Variants in PTPRA observed in about 807,000 individuals in gnomAD.
PTPRA encodes receptor-type tyrosine-protein phosphatase alpha.
In PTPRA, 25 loss-of-function variants were observed where a neutral mutation model predicts 104.8. The observed-to-expected ratio is 0.24, with a 90% CI of 0.17 to 0.33. PTPRA has a LOEUF of 0.33. PTPRA is among the 10% of genes least tolerant of loss of function. The pLI, the probability that PTPRA is intolerant of heterozygous loss-of-function variation, is 1.00. For missense variants in PTPRA, 765 were observed against 1,015.3 expected (o/e 0.75, Z 3.35); for synonymous variants, 323 against 368.9 (o/e 0.88, Z 1.43).
chr20:2,981,017 C>G (rs1302225449), intron 6 of PTPRA, among the ~76,000 whole-genome samples: 1 of 152,004 alleles, frequency 6.6e-6, no homozygotes, highest in Non-Finnish European at 1.5e-5. Flanking sequence ...TTGTGGTTGC[C>G]TAGAATTAGC....
In PTPRA at chr20:3,038,196, T is replaced by G; in HGVS notation, c.*63T>G. 1.4e-6 allele frequency: 2 copies of G among 1,454,034 alleles called. No individual in the cohort carries two copies. Among genetic ancestry groups the G allele is most frequent in the Non-Finnish European group, 1.9e-6 (2 of 1,036,574 alleles). The allele number at this position is 1,454,034 out of a possible 1,614,324, so 90.1% of individuals were successfully genotyped here. A position where few individuals can be genotyped will look rare whatever the true frequency, so the allele number is the denominator to read the frequency against. On this transcript the variant is annotated 3_prime_UTR_variant, in exon 24 of 24. Transcript: ENST00000399903. ...TAATATTTTGTAATATTCTGTTTTG[T>G]TAATATACCCCAAATTGTGTATATA...
chr20:2,958,844 C>CAGAAAAA (rs1164247922), intron 3 of PTPRA, among the ~76,000 whole-genome samples: 2 of 46,848 alleles, frequency 4.3e-5, no homozygotes, highest in African/African-American at 7.9e-5. Context: ...GAGACTGTAT[C>CAGAAAAA]AAAAAAAAAA....
intron 2 of PTPRA, among the ~76,000 whole-genome samples, chr20:2,943,463 A>G (rs1299151111): frequency 6.6e-6 from 1 of 152,080 alleles, no homozygotes; most frequent in Non-Finnish European, 1.5e-5. Flanking sequence ...AGTTGTATGG[A>G]TGAAGCCCAC....
intron 1 of PTPRA, among the ~76,000 whole-genome samples, chr20:2,888,575 A>C (rs1445265660): frequency 1.3e-5 from 2 of 152,144 alleles, no homozygotes; most frequent in Non-Finnish European, 2.9e-5. Flanking sequence ...CATTTAAAAA[A>C]AAAAAAGGTT....
At chr20:2,960,810 T>A (rs2061728760) in intron 3 of PTPRA, among the ~76,000 whole-genome samples, 1 of 152,152 alleles carries the variant, frequency 6.6e-6, no homozygotes, top group African/African-American at 2.4e-5. Context: ...GTGTTGGGAT[T>A]ACAGGCATGA....
intron 2 of PTPRA, among the ~76,000 whole-genome samples, chr20:2,930,795 T>C (rs1330168277): frequency 2.6e-5 from 4 of 152,184 alleles, no homozygotes; most frequent in African/African-American, 9.6e-5. Flanking sequence ...ACGACCCTAT[T>C]TCCAAATAAG....
chr20:3,012,554 C>T (rs976543236), intron 11 of PTPRA, among the ~76,000 whole-genome samples: 1 of 152,168 alleles, frequency 6.6e-6, no homozygotes, highest in Non-Finnish European at 1.5e-5. Context: ...AACAGGTGCT[C>T]ATGGGTGAGA....
intron 1 of PTPRA, among the ~76,000 whole-genome samples, chr20:2,905,079 T>C (rs1185960583): frequency 6.6e-6 from 1 of 152,140 alleles, no homozygotes; most frequent in African/African-American, 2.4e-5. Flanking sequence ...GCATTAGATT[T>C]TCATAGGAGC....
At position 2,988,401 on chromosome 20, in the gene PTPRA, C is replaced by A; in HGVS notation, c.665C>A (p.Pro222His). 6.2e-7 allele frequency: 1 copy of A among 1,613,100 alleles called. No individual in the cohort carries two copies. The highest frequency in any genetic ancestry group is 1.3e-5 in the African/African-American group (1 of 74,886). Residue 222 changes from proline to histidine, a missense_variant, in exon 9 of 24, where the codon CCC (proline) becomes CAC (histidine). By Grantham distance (77) the Pro-to-His change is moderately conservative (BLOSUM62 -2). Transcript: ENST00000399903. ...ACCAACAGGAAATACCCACCCCTGC[C>A]CGTGGACAAGCTGGAAGAGGAAATT... ...PSTNRKYPPLPVDKLEEEINR... is the reference protein window; with the variant it reads ...PSTNRKYPPLHVDKLEEEINR...
Position 2,988,100 on chromosome 20 carries a change from A to T in PTPRA, c.596A>T (p.Asp199Val), listed in dbSNP as rs756499388. Reference protein sequence around the residue: ...SFRLSNGRTEDVEPQSVPLLA... With the variant: ...SFRLSNGRTEVVEPQSVPLLA... ...CGCTTATCCAACGGCCGCACTGAGG[A>T]TGTGGGTAAGGCATTCCTTAATGTC... The change falls in exon 8 of 24, where the codon GAT (aspartate) becomes GTT (valine). Residue 199 changes from aspartate to valine, a missense_variant. Asp to Val is a radical substitution (Grantham distance 152). Around this residue, in one of 4 missense-constraint regions of PTPRA, gnomAD observed 256 missense variants for 248.9 expected, o/e 1.03. Transcript: ENST00000399903. 1.9e-6 allele frequency: 3 copies of T among 1,580,870 alleles called. No individual in the cohort carries two copies. Among genetic ancestry groups the T allele is most frequent in the South Asian group, 1.1e-5 (1 of 90,384 alleles).
rs1337468241 is a variant in PTPRA at position 3,022,308 on chromosome 20, G to A, written c.1328+88G>A. 1.3e-6 allele frequency: 2 copies of A among 1,504,520 alleles called. No individual in the cohort carries two copies. Among genetic ancestry groups the A allele is most frequent in the Admixed American group, 1.8e-5 (1 of 54,324 alleles). The allele number at this position is 1,504,520 out of a possible 1,614,324, so 93.2% of individuals were successfully genotyped here. A position where few individuals can be genotyped will look rare whatever the true frequency, so the allele number is the denominator to read the frequency against. On this transcript the variant is annotated intron_variant, in intron 15 of 23. Coordinates refer to ENST00000399903, the MANE Select transcript of PTPRA (RefSeq NM_001385305.1). The surrounding 1 kb of genome is among the most constrained non-coding windows in gnomAD (Gnocchi z 4.6). Reference sequence around the variant, plus strand: ...GAACAGCACAAGGGCCCTGGCTGAGGAGGCTGGCACAGAGTAGATGACCTA... The same window carrying A: ...GAACAGCACAAGGGCCCTGGCTGAGAAGGCTGGCACAGAGTAGATGACCTA...
intron 1 of PTPRA, among the ~76,000 whole-genome samples, chr20:2,885,092 C>T (rs1325015772): frequency 3.9e-5 from 6 of 152,156 alleles, no homozygotes; most frequent in Middle Eastern, 3.2e-3. Flanking sequence ...CAAGCCACTG[C>T]GCCCGGTTTG....
At chr20:2,979,885 G>A (rs1052942802) in intron 6 of PTPRA, among the ~76,000 whole-genome samples, 9 of 150,470 alleles carry the variant, frequency 6.0e-5, no homozygotes, top group African/African-American at 2.2e-4. Flanking sequence ...TCCTAATCAT[G>A]TTGGTGTTTT....
At chr20:2,993,976 T>C (rs1227078389) in intron 9 of PTPRA, among the ~76,000 whole-genome samples, 1 of 152,182 alleles carries the variant, frequency 6.6e-6, no homozygotes, top group Non-Finnish European at 1.5e-5. Context: ...GATAGATTAA[T>C]AGGTCCTAAT....
At position 3,026,810 on chromosome 20, in the gene PTPRA, T is replaced by C. The variant is rs756352576; in HGVS notation, c.1708+30T>C. ...GAGCCCTCCCGCCACTCCAAAGCCT[T>C]ATTGCCCCATCCCTCAATTCCCTCC... On this transcript the variant is annotated intron_variant, in intron 18 of 23. Coordinates refer to ENST00000399903, the MANE Select transcript of PTPRA (RefSeq NM_001385305.1). The C allele has an allele frequency of 3.1e-5, 48 of 1,529,924 alleles. No homozygotes were observed. In the East Asian group the frequency reaches 1.1e-3, roughly 34 times the overall value. The allele number at this position is 1,529,924 out of a possible 1,614,324, so 94.8% of individuals were successfully genotyped here.
At chr20:3,023,539 T>C (rs1386598862) in intron 16 of PTPRA, among the ~76,000 whole-genome samples, 2 of 152,246 alleles carry the variant, frequency 1.3e-5, no homozygotes, top group African/African-American at 4.8e-5. Context: ...TGCACTGAGA[T>C]GTTTGTGTAA....
intron 6 of PTPRA, 64 bp downstream of exon 6, chr20:2,975,305 C>G: frequency 7.1e-7 from 1 of 1,399,590 alleles, no homozygotes; most frequent in Non-Finnish European, 9.8e-7. Flanking sequence ...TTTATTTCCT[C>G]TGCTCACAGT....
chr20:2,879,177 T>A (rs1449926778), intron 1 of PTPRA, among the ~76,000 whole-genome samples: 3 of 152,144 alleles, frequency 2.0e-5, no homozygotes, highest in African/African-American at 7.2e-5. Flanking sequence ...GTCAGAGAAG[T>A]TCAGCAGCTA....
chr20:2,947,279 C>T (rs903222587), intron 2 of PTPRA, among the ~76,000 whole-genome samples: 1 of 152,172 alleles, frequency 6.6e-6, no homozygotes, highest in African/African-American at 2.4e-5. Context: ...GAGATTGTTA[C>T]ACCAAGATAA....
Sources: allele counts gnomAD v4.1 joint callset (sites outside exome capture counted in the v4.1 genomes callset), GRCh38; gene constraint gnomAD v4.1.1; regional missense constraint gnomAD v4.1.1; non-coding constraint Gnocchi (gnomAD v3.1); transcripts MANE v1.5; gene names NCBI Gene and HGNC (gene_info 2026-07-23, HGNC 2026-07-21).